Variants in PATJ observed in about 807,000 individuals in gnomAD.
PATJ encodes PATJ crumbs cell polarity complex component, also known as inaD-like protein.
PATJ carries 190 observed loss-of-function variants against 224.9 expected under a neutral mutation model. The ratio of observed to expected loss-of-function variants is 0.84; its 90% CI spans 0.75 to 0.95. The LOEUF (loss-of-function observed/expected upper bound fraction) is 0.95. PATJ is among the 40% of genes least tolerant of loss of function. PATJ has a pLI of 0.00. For missense variants in PATJ, 2,121 were observed against 2,270.3 expected, an observed-to-expected ratio of 0.93 and a Z score of 1.34; for synonymous variants, 769 against 820.3, an observed-to-expected ratio of 0.94 and a Z score of 1.07.
At chr1:62,026,625 TTGA>T (rs1294657493) in intron 29 of PATJ, among the ~76,000 whole-genome samples, 2 of 152,184 alleles carry the variant, frequency 1.3e-5, no homozygotes, top group African/African-American at 4.8e-5. Context: ...ACTTCTGCTT[TTGA>T]TAAAACGGTA....
At chr1:62,020,879 G>A (rs563326099) in intron 29 of PATJ, among the ~76,000 whole-genome samples, 45 of 152,264 alleles carry the variant, frequency 3.0e-4, no homozygotes, top group South Asian at 8.3e-4. Context: ...AGGCTGGAGT[G>A]CAGTGGTGCG....
intron 11 of PATJ, among the ~76,000 whole-genome samples, chr1:61,800,868 A>G (rs923529024): frequency 6.6e-6 from 1 of 152,126 alleles, no homozygotes; most frequent in Admixed American, 6.6e-5. Flanking sequence ...GCTCAGAATG[A>G]TGGTTTCCAG....
rs764758813 is a variant in PATJ, at chr1:61,763,182, A to G, written c.189+3A>G. On this transcript the variant is annotated splice_donor_region_variant and intron_variant, in intron 3 of 43. Coordinates refer to ENST00000642238, the MANE Select transcript of PATJ (RefSeq NM_001350145.3). ...CCATCAAGCAACTGAAGGGTCAAGTAAGTTACCCATCAGAGTTTTACATTA... is the reference window on the plus strand; with the variant it reads ...CCATCAAGCAACTGAAGGGTCAAGTGAGTTACCCATCAGAGTTTTACATTA... The G allele has an allele frequency of 1.9e-6, 3 of 1,543,052 alleles. No homozygotes were observed. Among genetic ancestry groups the G allele is most frequent in the Non-Finnish European group, 2.6e-6 (3 of 1,143,094 alleles).
intron 17 of PATJ, among the ~76,000 whole-genome samples, chr1:61,846,411 C>T (rs1661961993): frequency 2.0e-5 from 3 of 152,138 alleles, no homozygotes. Flanking sequence ...TCTGTACTTT[C>T]CCTGCATCAT....
At chr1:61,975,506 A>G (rs1434295497) in intron 27 of PATJ, among the ~76,000 whole-genome samples, 3 of 151,810 alleles carry the variant, frequency 2.0e-5, no homozygotes, top group Non-Finnish European at 4.4e-5. Context: ...TTTTTTCTCC[A>G]GCTCTTTGAG....
chr1:61,909,568 G>C (rs1672320907), intron 25 of PATJ, among the ~76,000 whole-genome samples: 1 of 152,082 alleles, frequency 6.6e-6, no homozygotes, highest in Admixed American at 6.6e-5. Context: ...TATCTCCTGG[G>C]CTCAAGCAAT....
intron 42 of PATJ, among the ~76,000 whole-genome samples, chr1:62,151,286 C>T (rs1468966147): frequency 6.6e-6 from 1 of 151,832 alleles, no homozygotes; most frequent in African/African-American, 2.4e-5. Context: ...AGCTGAAAAC[C>T]CTTTAATAAA....
chr1:61,881,853 A>G (rs889454665), intron 21 of PATJ, among the ~76,000 whole-genome samples: 3 of 152,242 alleles, frequency 2.0e-5, no homozygotes, highest in African/African-American at 7.2e-5. Context: ...CGAGATTATC[A>G]AAGATACACT....
At chr1:62,118,701 C>A (rs924055660) in intron 37 of PATJ, among the ~76,000 whole-genome samples, 1 of 152,174 alleles carries the variant, frequency 6.6e-6, no homozygotes. Flanking sequence ...GCGATCTCAG[C>A]TCACTGTAAT....
At chr1:61,745,765 G>A (rs1232902101) in intron 1 of PATJ, among the ~76,000 whole-genome samples, 1 of 149,698 alleles carries the variant, frequency 6.7e-6, no homozygotes, top group African/African-American at 2.5e-5. Flanking sequence ...CACCACACCT[G>A]TCTAATTTTT....
chr1:61,755,202 G>A (rs906358689), intron 1 of PATJ, among the ~76,000 whole-genome samples: 7 of 150,460 alleles, frequency 4.7e-5, no homozygotes, highest in East Asian at 3.9e-4. Context: ...CCAGCTACTC[G>A]GGAGGCTGAG....
intron 20 of PATJ, among the ~76,000 whole-genome samples, chr1:61,873,579 C>CA (rs952079833): frequency 6.6e-6 from 1 of 152,172 alleles, no homozygotes; most frequent in Non-Finnish European, 1.5e-5. Context: ...AGCTTATAAA[C>CA]AAAACAAATT....
intron 41 of PATJ, among the ~76,000 whole-genome samples, chr1:62,133,889 G>A (rs375803880): frequency 6.6e-6 from 1 of 151,870 alleles, no homozygotes; most frequent in Non-Finnish European, 1.5e-5. Context: ...TGGGACCACA[G>A]GCACCCACCA....
At chr1:61,888,300 A>C (rs1329939680) in intron 22 of PATJ, among the ~76,000 whole-genome samples, 1 of 152,126 alleles carries the variant, frequency 6.6e-6, no homozygotes, top group Non-Finnish European at 1.5e-5. Context: ...TTTTTGAGAC[A>C]GGGTCTTACT....
intron 28 of PATJ, among the ~76,000 whole-genome samples, chr1:61,993,546 C>A (rs1645185506): frequency 6.6e-6 from 1 of 152,094 alleles, no homozygotes; most frequent in Non-Finnish European, 1.5e-5. Flanking sequence ...ATTCAAGAAC[C>A]CACCAAGAGT....
chr1:62,052,788 G>T (rs929042374), intron 31 of PATJ, among the ~76,000 whole-genome samples: 3 of 151,894 alleles, frequency 2.0e-5, no homozygotes, highest in African/African-American at 7.3e-5. Context: ...AAAAAATTAT[G>T]ATTTCCCTTT....
intron 27 of PATJ, among the ~76,000 whole-genome samples, chr1:61,963,830 AAGC>A (rs1332181860): frequency 3.3e-5 from 5 of 152,170 alleles, no homozygotes. Flanking sequence ...ATAGAATAAA[AAGC>A]AGCAGCACAC....
intron 27 of PATJ, among the ~76,000 whole-genome samples, chr1:61,976,759 A>G (rs2149484443): frequency 6.6e-6 from 1 of 152,152 alleles, no homozygotes; most frequent in African/African-American, 2.4e-5. Flanking sequence ...CAACATAAAG[A>G]GAATAGTCAG....
At position 61,821,106 on chromosome 1, in the gene PATJ, C is replaced by T. The variant is rs556795323; in HGVS notation, c.1684-1839C>T. The stretch of plus-strand genomic sequence containing the variant: ...CCCAGGCTGGAGTGCAGTGGTGCAA[C>T]CTCAGCTCACTGCAAGCTCCACCTC... On this transcript the variant is annotated intron_variant, in intron 14 of 43. Transcript: ENST00000642238. 3.7e-3 allele frequency among the ~76,000 whole-genome samples: 559 copies of T among 150,978 alleles called. 2 individuals carry two copies. Among genetic ancestry groups the T allele is most frequent in the African/African-American group, 0.012 (506 of 41,076 alleles).
Sources: allele counts gnomAD v4.1 joint callset (sites outside exome capture counted in the v4.1 genomes callset), GRCh38; gene constraint gnomAD v4.1.1; transcripts MANE v1.5; gene names NCBI Gene and HGNC (gene_info 2026-07-23, HGNC 2026-07-21).